SGSH: variants seen among roughly 807,000 people sequenced by gnomAD.
The protein encoded by SGSH is N-sulfoglucosamine sulfohydrolase, also known as heparan sulfate sulfatase.
Under a neutral mutation model 51.0 loss-of-function variants are expected in SGSH, and 48 were observed. The observed-to-expected ratio is 0.94, with a 90% CI of 0.75 to 1.20. The LOEUF is 1.20. Among genes scored for constraint, SGSH ranks in the 50% most tolerant of loss-of-function variants. The pLI, the probability that SGSH is intolerant of heterozygous loss-of-function variation, is 0.00. For missense variants in SGSH, 662 were observed against 717.8 expected (o/e 0.92, Z 0.89); for synonymous variants, 321 against 313.4 (o/e 1.02, Z -0.26).
At chr17:80,203,567 G>T (rs2041107275), downstream of SGSH, 1 of 452,010 alleles carries the variant, frequency 2.2e-6, no homozygotes, top group African/African-American at 2.0e-5. The surrounding 1 kb of genome is among the most constrained non-coding windows in gnomAD (Gnocchi z 4.6). Flanking sequence ...AGCACCCCCT[G>T]GGTCCCGCCC....
chr17:80,208,488 T>C (rs2041478816), downstream of SGSH: 4 of 709,756 alleles, frequency 5.6e-6, no homozygotes, highest in Non-Finnish European at 9.0e-6. Flanking sequence ...GGTCTAACCT[T>C]GAACCCTCAC....
At chr17:80,218,302 C>G (rs1598761270) in intron 1 of SGSH, among the ~76,000 whole-genome samples, 1 of 152,238 alleles carries the variant, frequency 6.6e-6, no homozygotes, top group East Asian at 1.9e-4. Flanking sequence ...CTATTTCAAC[C>G]CTTTCATCCT....
At chr17:80,216,057 G>A (rs57407771) in intron 2 of SGSH, among the ~76,000 whole-genome samples, 21,139 of 152,124 alleles carry the variant, frequency 0.14, 2,253 homozygotes, top group East Asian at 0.59. Flanking sequence ...GGCCGGGCTC[G>A]GTGGCTCACG....
rs2041693602 is a variant in SGSH at position 80,212,171 on chromosome 17, G to A, written c.849C>T (p.Thr283=). 1 of 1,613,508 alleles carries A rather than the reference G, an allele frequency of 6.2e-7. No individual in the cohort carries two copies. The highest frequency in any genetic ancestry group is 8.5e-7 in the Non-Finnish European group (1 of 1,180,010). Residue 283 remains threonine (T), a synonymous_variant, in exon 7 of 8, where the codon ACC becomes ACT. Transcript: ENST00000326317. The surrounding 1 kb of genome is among the most constrained non-coding windows in gnomAD (Gnocchi z 5.9). ...DNGIPFPSGR[T]NLYWPGTAEP... The stretch of plus-strand genomic sequence containing the variant: ...CAGCAGTGCCCGGCCAGTACAGGTT[G>A]GTCCTGCCGCTGGGGAAGGGGATCC...
Position 80,210,425 on chromosome 17 carries a change from G to A in SGSH, c.*27C>T. ...TGGGATGTGTCTGGGACATGCCTGG[G>A]ATGTGTGCACAGGCCTCCTGGGATG... On this transcript the variant is annotated 3_prime_UTR_variant, in exon 8 of 8. Transcript: ENST00000326317. The A allele has an allele frequency of 8.9e-6, 14 of 1,569,806 alleles. No homozygotes were observed. Among genetic ancestry groups the A allele is most frequent in the Non-Finnish European group, 1.2e-5 (14 of 1,162,684 alleles).
chr17:80,204,629 A>G (rs1300666414), downstream of SGSH: 4 of 205,436 alleles, frequency 1.9e-5, no homozygotes, highest in East Asian at 3.3e-4. Flanking sequence ...TGTCTCAGGA[A>G]AAAAAAAAAA....
At chr17:80,203,896 A>C (rs9905662), downstream of SGSH, 52,004 of 1,587,916 alleles carry the variant, frequency 0.033, 1,999 homozygotes, top group African/African-American at 0.19. The surrounding 1 kb of genome is among the most constrained non-coding windows in gnomAD (Gnocchi z 4.6). Context: ...GTGAGGCTCC[A>C]GGGAGGGGCC....
At chr17:80,206,955 C>G, downstream of SGSH, 1 of 1,592,556 alleles carries the variant, frequency 6.3e-7, no homozygotes, top group Non-Finnish European at 8.6e-7. Context: ...CACTTCTTCT[C>G]TCCCTCCCAC....
intron 2 of SGSH, among the ~76,000 whole-genome samples, chr17:80,215,535 T>G (rs12450437): frequency 6.6e-6 from 1 of 152,150 alleles, no homozygotes; most frequent in African/African-American, 2.4e-5. Context: ...AAACTCAGAC[T>G]GCCGGCCGGG....
intron 7 of SGSH, chr17:80,211,328 C>G (rs2144705780): frequency 2.0e-6 from 1 of 493,508 alleles, no homozygotes; most frequent in Admixed American, 3.7e-5. Context: ...GCTCCTGGCT[C>G]ATCATTTGGG....
At chr17:80,211,058 G>A (rs775257114) in intron 7 of SGSH, 47 bp from the exon 8 acceptor site, 2 of 1,596,344 alleles carry the variant, frequency 1.3e-6, no homozygotes, top group East Asian at 2.2e-5. Flanking sequence ...TCAGCACACA[G>A]GAGCTGCCCT....
intron 2 of SGSH, 36 bp from the exon 3 acceptor site, chr17:80,215,174 G>C (rs1257536793): frequency 6.6e-7 from 1 of 1,505,666 alleles, no homozygotes; most frequent in Non-Finnish European, 9.1e-7. Context: ...GGGGCCCCCG[G>C]ACAGCCAGAG....
intron 1 of SGSH, 98 bp downstream of exon 1, chr17:80,220,128 C>T (rs1279787826): frequency 6.2e-6 from 5 of 811,788 alleles, no homozygotes; most frequent in Non-Finnish European, 9.4e-6. Flanking sequence ...AAGGGCAGGG[C>T]ACACTAGGGT....
At chr17:80,205,928 G>A (rs1389906193), downstream of SGSH, 5 of 329,846 alleles carry the variant, frequency 1.5e-5, no homozygotes, top group East Asian at 2.2e-4. Context: ...ATAAATCCGA[G>A]CTAACAACAC....
chr17:80,202,270 G>T, downstream of SGSH: 6 of 1,613,978 alleles, frequency 3.7e-6, no homozygotes, highest in Non-Finnish European at 5.1e-6. Flanking sequence ...ATGGAGGGCA[G>T]GGCCAAAGGG....
chr17:80,214,301 G>T lies in SGSH; in HGVS notation c.534C>A (p.His178Gln). ...DRPFFLYVAF[H>Q]DPHRCGHSQP... Reference sequence around the variant, plus strand: ...GGGAGTGCCCACAGCGGTGGGGGTCGTGGAAGGCGACGTAGAGGAAGAAAG... The same window carrying T: ...GGGAGTGCCCACAGCGGTGGGGGTCTTGGAAGGCGACGTAGAGGAAGAAAG... The change falls in exon 5 of 8, where the codon CAC becomes CAA. Residue 178 changes from histidine to glutamine, a missense_variant. Physicochemically the swap from His to Gln is conservative, Grantham distance 24 (BLOSUM62 0). Transcript: ENST00000326317. 1 of 1,613,096 alleles carries T rather than the reference G, an allele frequency of 6.2e-7. No homozygotes were observed. The highest frequency in any genetic ancestry group is 8.5e-7 in the Non-Finnish European group (1 of 1,180,006).
chr17:80,216,155 C>T (rs2041883460), intron 2 of SGSH, among the ~76,000 whole-genome samples: 2 of 151,964 alleles, frequency 1.3e-5, no homozygotes, highest in East Asian at 3.9e-4. Flanking sequence ...ATGATGAAAC[C>T]CCATCTCTAC....
At chr17:80,205,171 G>A (rs1193362044), downstream of SGSH, 49 of 1,613,598 alleles carry the variant, frequency 3.0e-5, no homozygotes, top group Non-Finnish European at 4.1e-5. Context: ...GCGAGAAACT[G>A]TGCCTCCTCC....
At chr17:80,207,685 A>G (rs1050018030), downstream of SGSH, 2 of 163,554 alleles carry the variant, frequency 1.2e-5, no homozygotes, top group East Asian at 3.6e-4. Context: ...TAGCCTAGTC[A>G]CTGGAAAATG....
Sources: gnomAD v4.1 joint callset for allele counts (sites outside exome capture counted in the v4.1 genomes callset) on GRCh38, gnomAD v4.1.1 for gene constraint, Gnocchi (gnomAD v3.1) non-coding constraint, MANE v1.5 for transcripts, NCBI Gene and HGNC (gene_info 2026-07-23, HGNC 2026-07-21) for gene names.